The following PTPRD variants were observed in gnomAD, a reference collection of about 807,000 sequenced individuals.
The protein encoded by PTPRD is protein tyrosine phosphatase receptor type D, also known as receptor-type tyrosine-protein phosphatase delta.
PTPRD carries 34 observed loss-of-function variants against 214.5 expected under a neutral mutation model. The observed-to-expected ratio is 0.16, with a 90% CI of 0.12 to 0.21. PTPRD has a LOEUF of 0.21. Among genes scored for constraint, PTPRD ranks in the 10% least tolerant of loss-of-function variants. PTPRD has a pLI of 1.00. For synonymous variants in PTPRD, 1,128 were observed against 845.7 expected, an observed-to-expected ratio of 1.33 and a Z score of -5.79; for missense variants, 2,545 against 2,398.7, an observed-to-expected ratio of 1.06 and a Z score of -1.27.
At chr9:9,794,522 A>G (rs983633243) in intron 5 of PTPRD, among the ~76,000 whole-genome samples, 18 of 152,026 alleles carry the variant, frequency 1.2e-4, no homozygotes, top group Non-Finnish European at 2.5e-4. Flanking sequence ...ACAAAAATAG[A>G]GAGGTAAGTG....
chr9:10,595,456 CA>C (rs1165315408), intron 2 of PTPRD, among the ~76,000 whole-genome samples: 1 of 151,506 alleles, frequency 6.6e-6, no homozygotes, highest in Non-Finnish European at 1.5e-5. Flanking sequence ...CAAAGGGAAG[CA>C]AAGTAGGACC....
intron 35 of PTPRD, among the ~76,000 whole-genome samples, chr9:8,407,150 T>G (rs2130776502): frequency 6.6e-6 from 1 of 152,356 alleles, no homozygotes; most frequent in Admixed American, 6.5e-5. Context: ...ACATGAGTTG[T>G]GTGCCACCTA....
At chr9:10,526,173 A>G (rs1223791710) in intron 2 of PTPRD, among the ~76,000 whole-genome samples, 4 of 152,108 alleles carry the variant, frequency 2.6e-5, no homozygotes, top group Non-Finnish European at 5.9e-5. Flanking sequence ...ACTATAGGTC[A>G]ATACCAACTA....
At chr9:10,434,162 A>C (rs1328280170) in intron 2 of PTPRD, among the ~76,000 whole-genome samples, 1 of 151,786 alleles carries the variant, frequency 6.6e-6, no homozygotes, top group Non-Finnish European at 1.5e-5. Flanking sequence ...TTTATTTCAA[A>C]TTTAGTTGAC....
rs73640916 is a variant in PTPRD, at chr9:8,454,495, G to A, written c.3876-4658C>T. On this transcript the variant is annotated intron_variant, in intron 33 of 45. Coordinates refer to ENST00000381196, the MANE Select transcript of PTPRD (RefSeq NM_002839.4). Reference sequence around the variant, plus strand: ...GGTATTATCTTTTGTGTGCAGCCCCGCCCTCCCCTCTTCAACAACTCTGAA... The same window carrying A: ...GGTATTATCTTTTGTGTGCAGCCCCACCCTCCCCTCTTCAACAACTCTGAA... The A allele has an allele frequency of 6.8e-3, 9,861 of 1,442,054 alleles. 540 individuals are homozygous for A. The African/African-American group carries it at 0.12, about 17-fold the overall frequency. The allele number at this position is 1,442,054 out of a possible 1,614,324, so 89.3% of individuals were successfully genotyped here. A position where few individuals can be genotyped will look rare whatever the true frequency, so the allele number is the denominator to read the frequency against.
At chr9:8,776,341 C>G (rs1012801571) in intron 11 of PTPRD, among the ~76,000 whole-genome samples, 28 of 152,092 alleles carry the variant, frequency 1.8e-4, no homozygotes, top group Non-Finnish European at 2.9e-5. Context: ...TTACTCACAT[C>G]GCCCAGGCTG....
chr9:8,430,453 T>C (rs1590205582), intron 35 of PTPRD, among the ~76,000 whole-genome samples: 1 of 150,820 alleles, frequency 6.6e-6, no homozygotes, highest in Non-Finnish European at 1.5e-5. Flanking sequence ...TTTTTTTTTG[T>C]AGTTTTGCAG....
At chr9:10,115,283 C>A (rs72694890) in intron 3 of PTPRD, among the ~76,000 whole-genome samples, 8,773 of 151,798 alleles carry the variant, frequency 0.058, 324 homozygotes, top group Admixed American at 0.1. Context: ...TTTATCAGAG[C>A]CTTTCTGATT....
Position 9,147,358 on chromosome 9 carries a change from T to C in PTPRD, c.-143+35946A>G, listed in dbSNP as rs186641156. ...GGGGATTAATACTGTTATTCTTTTT[T>C]TAAAATTTTTATTCTATTTATTTAT... On this transcript the variant is annotated intron_variant, in intron 10 of 45. Coordinates refer to ENST00000381196, the MANE Select transcript of PTPRD (RefSeq NM_002839.4). Among the ~76,000 whole-genome samples, 7 of 152,130 alleles carry C rather than the reference T, an allele frequency of 4.6e-5. No homozygotes were observed. The East Asian group carries it at 1.4e-3, about 29-fold the overall frequency.
chr9:9,432,864 A>T (rs1569568282), intron 8 of PTPRD, among the ~76,000 whole-genome samples: 1 of 152,174 alleles, frequency 6.6e-6, no homozygotes, highest in East Asian at 1.9e-4. Context: ...CACTGAGGAG[A>T]AAAAGTGGAG....
At chr9:9,807,571 G>T (rs1313049795) in intron 5 of PTPRD, among the ~76,000 whole-genome samples, 1 of 152,124 alleles carries the variant, frequency 6.6e-6, no homozygotes, top group East Asian at 1.9e-4. Flanking sequence ...ACTGATGCTT[G>T]CAGCTACAGC....
At chr9:10,590,492 C>T (rs1407819560) in intron 2 of PTPRD, among the ~76,000 whole-genome samples, 1 of 151,974 alleles carries the variant, frequency 6.6e-6, no homozygotes, top group African/African-American at 2.4e-5. Flanking sequence ...CTCTGCCAGA[C>T]AACTACTGAT....
chr9:9,204,034 T>C (rs2099943379), intron 9 of PTPRD, among the ~76,000 whole-genome samples: 2 of 152,146 alleles, frequency 1.3e-5, no homozygotes, highest in Admixed American at 6.6e-5. Flanking sequence ...AATTTTGCCC[T>C]GAGTGATCCA....
At position 8,507,352 on chromosome 9, in the gene PTPRD, A is replaced by G. The variant is rs1477193607; in HGVS notation, c.1626T>C (p.Asp542=). 4 of 1,613,860 alleles carry G rather than the reference A, an allele frequency of 2.5e-6. No homozygotes were observed. In the African/African-American group the frequency reaches 4.0e-5, roughly 16 times the overall value. ...AGACCAGTTCATAGTTGGCAATGGT[A>G]TCTGAACGTGGAGGTGTCCAAGAGA... The part of the protein sequence containing the change: ...ILLSWTPPRS[D]TIANYELVYK... Residue 542 remains aspartate, a synonymous_variant, in exon 22 of 46, where the codon GAT becomes GAC. Coordinates refer to ENST00000381196, the MANE Select transcript of PTPRD (RefSeq NM_002839.4).
rs551999792 is a variant in PTPRD, at chr9:9,649,937, G to A, written c.-286-75156C>T. Among the ~76,000 whole-genome samples, 40 of 152,198 alleles carry A rather than the reference G, an allele frequency of 2.6e-4. 1 individual carries two copies. The highest frequency in any genetic ancestry group is 5.9e-4 in the Admixed American group (9 of 15,284). On this transcript the variant is annotated intron_variant, in intron 7 of 45. Coordinates refer to ENST00000381196, the MANE Select transcript of PTPRD (RefSeq NM_002839.4). The stretch of plus-strand genomic sequence containing the variant: ...AGTTTTAGAAATGTGATAGTATACT[G>A]TGCTAGCGATAGAAAAAATGAAACG...
intron 14 of PTPRD, among the ~76,000 whole-genome samples, chr9:8,601,623 C>G (rs2094872428): frequency 6.6e-6 from 1 of 152,070 alleles, no homozygotes; most frequent in African/African-American, 2.4e-5. Flanking sequence ...TTTTCTGGAG[C>G]CTATCCAAGA....
chr9:10,352,227 T>G (rs1240220582), intron 2 of PTPRD, among the ~76,000 whole-genome samples: 1 of 152,036 alleles, frequency 6.6e-6, no homozygotes, highest in East Asian at 1.9e-4. Context: ...TCAAAATACA[T>G]AAAATTACTT....
chr9:8,454,483 G>T, intron 33 of PTPRD: 1 of 1,292,356 alleles, frequency 7.7e-7, no homozygotes. Flanking sequence ...ATTATCTTTT[G>T]TGTGCAGCCC....
At chr9:9,540,646 G>A (rs1054634943) in intron 8 of PTPRD, among the ~76,000 whole-genome samples, 1 of 151,664 alleles carries the variant, frequency 6.6e-6, no homozygotes, top group African/African-American at 2.4e-5. Flanking sequence ...AAAATCCTGT[G>A]GTAAAAAATA....
Sources: allele counts gnomAD v4.1 joint callset (sites outside exome capture counted in the v4.1 genomes callset), GRCh38; gene constraint gnomAD v4.1.1; transcripts MANE v1.5; gene names NCBI Gene and HGNC (gene_info 2026-07-23, HGNC 2026-07-21).